The following GPR35 variants were observed in gnomAD, a reference collection of about 807,000 sequenced individuals.
GPR35 encodes G protein-coupled receptor 35.
For synonymous variants in GPR35, 207 were observed against 198.4 expected (o/e 1.04, Z -0.36); for missense variants, 372 against 422.5 (o/e 0.88, Z 1.05).
In GPR35 at chr2:240,630,429, C is replaced by T. The variant is rs34098457; in HGVS notation, c.477C>T (p.Gly159=). Residue 159 remains glycine, a synonymous_variant, in exon 2 of 2, where the codon GGC becomes GGT. Coordinates refer to ENST00000407714, the MANE Select transcript of GPR35 (RefSeq NM_005301.5). ...VARWLLGIQE[G]GFCFRSTRHN... ...GCTGGCTCCTGGGGATTCAGGAGGG[C>T]GGCTTCTGCTTCAGGAGCACCCGGC... The T allele has an allele frequency of 4.4e-3, 7,032 of 1,612,636 alleles. 260 individuals are homozygous for T. In the African/African-American group the frequency reaches 0.079, roughly 18 times the overall value.
At chr2:240,619,152 A>T (rs780623909) in intron 5 of GPR35, 1 of 577,764 alleles carries the variant, frequency 1.7e-6, no homozygotes, top group Non-Finnish European at 3.1e-6. Flanking sequence ...ATCAGTGATC[A>T]ATGGGTGATA....
rs1469500178 is a variant in GPR35, at chr2:240,630,198, C to T, written c.246C>T (p.Asp82=). The T allele has an allele frequency of 6.3e-7, 1 of 1,579,404 alleles. No individual in the cohort carries two copies. The highest frequency in any genetic ancestry group is 1.7e-5 in the Admixed American group (1 of 59,356). ...TLPFVLHSLR[D]TSDTPLCQLS... is the part of the protein sequence containing the mutation. ...CCTTCGTGCTGCACTCCCTGCGAGA[C>T]ACCTCAGACACGCCGCTGTGCCAGC... The change falls in exon 2 of 2, where the codon GAC becomes GAT. Residue 82 remains aspartate (D), a synonymous_variant. Transcript: ENST00000407714.
At chr2:240,623,424 C>CGCAAACAGGTCGTGAGGGT (rs2043328200), upstream of GPR35, among the ~76,000 whole-genome samples, 2 of 45,306 alleles carry the variant, frequency 4.4e-5, no homozygotes, top group African/African-American at 6.3e-5. Flanking sequence ...ATCGTGAGGG[C>CGCAAACAGGTCGTGAGGGT]GCAAACAGGT....
chr2:240,631,286 T>G lies in GPR35; in HGVS notation c.*404T>G. 8.7e-6 allele frequency: 2 copies of G among 228,626 alleles called. No individual in the cohort carries two copies. The highest frequency in any genetic ancestry group is 1.9e-5 in the Non-Finnish European group (2 of 106,802). The allele number at this position is 228,626 out of a possible 1,614,324, so 14.2% of individuals were successfully genotyped here. Reference sequence around the variant, plus strand: ...TGGGGCCCTCTGTGTTTCGCACTCGTGTGGTGGGAGGCAGGGAGGGAGCGC... The same window carrying G: ...TGGGGCCCTCTGTGTTTCGCACTCGGGTGGTGGGAGGCAGGGAGGGAGCGC... On this transcript the variant is annotated 3_prime_UTR_variant, in exon 2 of 2. Coordinates refer to ENST00000407714, the MANE Select transcript of GPR35 (RefSeq NM_005301.5).
chr2:240,625,176 G>A (rs1163981982), upstream of GPR35: 18 of 733,736 alleles, frequency 2.5e-5, no homozygotes, highest in Non-Finnish European at 2.8e-5. Context: ...GTGGGCTGGG[G>A]AGGAGGAAGG....
chr2:240,620,788 C>T (rs1575464743), upstream of GPR35, among the ~76,000 whole-genome samples: 1 of 152,204 alleles, frequency 6.6e-6, no homozygotes, highest in Non-Finnish European at 1.5e-5. Flanking sequence ...CCGCTACCTC[C>T]TCTGCCCCAC....
chr2:240,605,744 A>G (rs1253865802), intron 1 of GPR35, among the ~76,000 whole-genome samples: 2 of 152,058 alleles, frequency 1.3e-5, no homozygotes, highest in African/African-American at 4.8e-5. Context: ...TGTCCCTTGG[A>G]GTCTTCATTT....
chr2:240,625,627 T>G, intron 1 of GPR35, 59 bp downstream of exon 1: 1 of 832,280 alleles, frequency 1.2e-6, no homozygotes, highest in Non-Finnish European at 1.4e-6. Flanking sequence ...GGTGGGGGTC[T>G]CAGAGTGGGG....
intron 2 of GPR35, among the ~76,000 whole-genome samples, chr2:240,611,138 G>A (rs532331571): frequency 4.6e-5 from 7 of 150,854 alleles, no homozygotes; most frequent in South Asian, 4.2e-4. Context: ...GTTTTTTTTC[G>A]GTAGTTTTAG....
At chr2:240,629,697 C>T in intron 1 of GPR35, 1 of 429,182 alleles carries the variant, frequency 2.3e-6, no homozygotes. Flanking sequence ...TTTCCTGCCC[C>T]ATGACAGCAG....
At chr2:240,628,716 A>C (rs1254864913) in intron 1 of GPR35, 1 of 152,186 alleles carries the variant, frequency 6.6e-6, no homozygotes, top group African/African-American at 2.4e-5. Flanking sequence ...AGGGAGGAGG[A>C]AGGCCCTTCG....
chr2:240,626,414 T>TG (rs1476219502), intron 1 of GPR35, among the ~76,000 whole-genome samples: 2 of 23,738 alleles, frequency 8.4e-5, no homozygotes, highest in Non-Finnish European at 1.8e-4. Context: ...GAGGCTGTGA[T>TG]GGGGTCTCAG....
upstream of GPR35, among the ~76,000 whole-genome samples, chr2:240,623,384 G>GGT (rs2043325723): frequency 8.6e-5 from 9 of 104,174 alleles, 1 homozygote; most frequent in African/African-American, 9.4e-5. Context: ...AGGTCGTGAG[G>GGT]GCGCAAACAG....
intron 5 of GPR35, chr2:240,619,160 A>C: frequency 1.8e-6 from 1 of 558,836 alleles, no homozygotes; most frequent in Non-Finnish European, 3.2e-6. Context: ...TCAATGGGTG[A>C]TATCCGAGGA....
upstream of GPR35, among the ~76,000 whole-genome samples, chr2:240,622,410 C>T (rs1173273581): frequency 2.0e-5 from 3 of 152,204 alleles, no homozygotes; most frequent in Non-Finnish European, 4.4e-5. Context: ...GACATCGCCT[C>T]ACAGACTTCC....
chr2:240,616,496 A>G (rs768251397), exon 3 of GPR35: 2 of 780,320 alleles, frequency 2.6e-6, no homozygotes. Context: ...CAGCTCCGAT[A>G]CTTCACCAGA....
intron 5 of GPR35, among the ~76,000 whole-genome samples, chr2:240,620,137 C>T (rs1199401028): frequency 1.3e-5 from 2 of 152,178 alleles, no homozygotes; most frequent in African/African-American, 4.8e-5. Context: ...CCAAGGCCCA[C>T]CCCGAGGCCA....
In GPR35 at chr2:240,625,558, G is replaced by A; in HGVS notation, c.-15G>A. 1.0e-6 allele frequency: 1 copy of A among 986,122 alleles called. No homozygotes were observed. The highest frequency in any genetic ancestry group is 1.2e-6 in the Non-Finnish European group (1 of 830,354). The allele number at this position is 986,122 out of a possible 1,614,324, so 61.1% of individuals were successfully genotyped here. On this transcript the variant is annotated 5_prime_UTR_variant, in exon 1 of 2. Transcript: ENST00000407714. The stretch of plus-strand genomic sequence containing the variant: ...CACACACTCCACCCGGGAGGCCAAA[G>A]CTGCCTGCAGGTCAGTGCCGCCCAC...
chr2:240,624,966 G>A (rs947951165), upstream of GPR35, among the ~76,000 whole-genome samples: 1 of 151,628 alleles, frequency 6.6e-6, no homozygotes, highest in African/African-American at 2.4e-5. Flanking sequence ...GTGCATTGGC[G>A]TGTGCATGTG....
Sources: gnomAD v4.1 joint callset for allele counts (sites outside exome capture counted in the v4.1 genomes callset) on GRCh38, gnomAD v4.1.1 for gene constraint, MANE v1.5 for transcripts, NCBI Gene and HGNC (gene_info 2026-07-23, HGNC 2026-07-21) for gene names.